The following BIK variants were observed in gnomAD, a reference collection of about 807,000 sequenced individuals.
The protein encoded by BIK is bcl-2-interacting killer.
A neutral mutation model predicts 12.1 loss-of-function variants in BIK; 14 were observed. The observed-to-expected ratio is 1.16, with a 90% CI of 0.77 to 1.81. BIK has a LOEUF of 1.81. Ranked by LOEUF, BIK falls within the 40% of genes most tolerant of loss-of-function variation. The pLI, the probability that BIK is intolerant of heterozygous loss-of-function variation, is 0.00. For missense variants in BIK, 215 were observed against 207.9 expected, an observed-to-expected ratio of 1.03 and a Z score of -0.21; for synonymous variants, 86 against 92.3, an observed-to-expected ratio of 0.93 and a Z score of 0.39.
intron 1 of BIK, among the ~76,000 whole-genome samples, chr22:43,121,195 C>A (rs961184476): frequency 2.0e-5 from 3 of 151,836 alleles, no homozygotes; most frequent in Non-Finnish European, 2.9e-5. Context: ...AACAAACAAA[C>A]AAAAAAACAC....
intron 1 of BIK, among the ~76,000 whole-genome samples, chr22:43,122,477 G>A (rs759457744): frequency 5.9e-5 from 9 of 152,164 alleles, no homozygotes; most frequent in Non-Finnish European, 1.3e-4. Flanking sequence ...TTGACACACT[G>A]CTGCTAACTG....
At position 43,127,678 on chromosome 22, in the gene BIK, C is replaced by G. The variant is rs766613577; in HGVS notation, c.162-19C>G. Reference sequence around the variant, plus strand: ...TCCACGGCACAGCCACACCCGACTCCTGTGTGTGCTCCCTGCAGTGACGCA... The same window carrying G: ...TCCACGGCACAGCCACACCCGACTCGTGTGTGTGCTCCCTGCAGTGACGCA... On this transcript the variant is annotated intron_variant, in intron 2 of 4. Transcript: ENST00000216115. The G allele has an allele frequency of 1.0e-5, 16 of 1,543,828 alleles. 1 individual carries two copies. In the South Asian group the frequency reaches 1.7e-4, roughly 16 times the overall value.
At chr22:43,122,804 C>T (rs1487625583) in intron 1 of BIK, among the ~76,000 whole-genome samples, 2 of 152,152 alleles carry the variant, frequency 1.3e-5, no homozygotes, top group African/African-American at 4.8e-5. Context: ...CCTGGCCGCT[C>T]TCTGCCTCCC....
chr22:43,116,192 A>G (rs762700746), intron 1 of BIK, among the ~76,000 whole-genome samples: 6 of 152,218 alleles, frequency 3.9e-5, no homozygotes, highest in Non-Finnish European at 8.8e-5. Flanking sequence ...AAATCAGTCA[A>G]GAGAATTATT....
At chr22:43,127,474 C>T (rs988369222) in intron 2 of BIK, among the ~76,000 whole-genome samples, 4 of 152,214 alleles carry the variant, frequency 2.6e-5, no homozygotes, top group Non-Finnish European at 5.9e-5. Flanking sequence ...TAGCTTGCAC[C>T]TCTGGGGCCA....
chr22:43,118,849 C>T (rs1485878258), intron 1 of BIK, among the ~76,000 whole-genome samples: 1 of 152,084 alleles, frequency 6.6e-6, no homozygotes, highest in Non-Finnish European at 1.5e-5. Context: ...TGCCCCCAAC[C>T]CCGCTCTGAC....
At chr22:43,111,605 C>G (rs1930013728) in intron 1 of BIK, among the ~76,000 whole-genome samples, 1 of 152,234 alleles carries the variant, frequency 6.6e-6, no homozygotes, top group South Asian at 2.1e-4. Flanking sequence ...AATGCGATCG[C>G]TTTCAAGCCC....
intron 1 of BIK, among the ~76,000 whole-genome samples, chr22:43,122,869 G>C (rs1488275501): frequency 1.3e-5 from 2 of 152,112 alleles, no homozygotes; most frequent in African/African-American, 4.8e-5. Context: ...GAGCTGCCCT[G>C]GCTGTGTCTA....
At chr22:43,120,744 A>C (rs1601730532) in intron 1 of BIK, among the ~76,000 whole-genome samples, 1 of 152,282 alleles carries the variant, frequency 6.6e-6, no homozygotes, top group Non-Finnish European at 1.5e-5. Flanking sequence ...CACTTTTCCC[A>C]TGCAGATCTG....
intron 1 of BIK, among the ~76,000 whole-genome samples, chr22:43,115,754 C>T (rs1398769485): frequency 2.0e-5 from 3 of 152,016 alleles, no homozygotes; most frequent in African/African-American, 7.2e-5. Flanking sequence ...TGAGCCACCG[C>T]GTCTGGCCTA....
intron 1 of BIK, among the ~76,000 whole-genome samples, chr22:43,120,754 G>C (rs1930204488): frequency 6.6e-6 from 1 of 152,204 alleles, no homozygotes; most frequent in African/African-American, 2.4e-5. Flanking sequence ...ATGCAGATCT[G>C]GGCCCTAAGG....
chr22:43,120,843 T>C (rs1272947911), intron 1 of BIK, among the ~76,000 whole-genome samples: 1 of 152,208 alleles, frequency 6.6e-6, no homozygotes, highest in African/African-American at 2.4e-5. Flanking sequence ...AGAGGCCAGA[T>C]GGTTAAAGGT....
At chr22:43,120,597 A>G (rs1308719727) in intron 1 of BIK, among the ~76,000 whole-genome samples, 2 of 152,236 alleles carry the variant, frequency 1.3e-5, no homozygotes, top group Non-Finnish European at 2.9e-5. Context: ...TAAGGCATTC[A>G]GAGCTGGTGC....
At chr22:43,118,482 AG>A (rs1400677251) in intron 1 of BIK, among the ~76,000 whole-genome samples, 3 of 152,306 alleles carry the variant, frequency 2.0e-5, no homozygotes, top group Non-Finnish European at 4.4e-5. Context: ...GGGGCCGAGC[AG>A]GGGGTGGAAC....
intron 1 of BIK, among the ~76,000 whole-genome samples, chr22:43,119,463 C>T (rs1216361795): frequency 1.3e-5 from 2 of 152,178 alleles, no homozygotes; most frequent in Non-Finnish European, 2.9e-5. Flanking sequence ...AGAGCAGCAG[C>T]CCCTCTCTTA....
At chr22:43,127,535 G>A (rs1019631661) in intron 2 of BIK, among the ~76,000 whole-genome samples, 162 bp from the exon 3 acceptor site, 1 of 152,200 alleles carries the variant, frequency 6.6e-6, no homozygotes, top group Admixed American at 6.5e-5. Context: ...GGAGCCGGAG[G>A]AGGGATACAG....
At chr22:43,120,780 T>G (rs1219854650) in intron 1 of BIK, among the ~76,000 whole-genome samples, 1 of 152,174 alleles carries the variant, frequency 6.6e-6, no homozygotes, top group Non-Finnish European at 1.5e-5. Context: ...CTAGGCCCAG[T>G]TGGTGATGGG....
chr22:43,120,250 C>T (rs200871036), intron 1 of BIK, among the ~76,000 whole-genome samples: 13 of 152,302 alleles, frequency 8.5e-5, no homozygotes, highest in South Asian at 6.2e-4. Flanking sequence ...TGCAATGGCG[C>T]GGTCTCGGCT....
intron 1 of BIK, among the ~76,000 whole-genome samples, chr22:43,111,052 T>C (rs961108088): frequency 1.3e-5 from 2 of 151,822 alleles, no homozygotes; most frequent in Non-Finnish European, 2.9e-5. Flanking sequence ...GGCCTCAGTC[T>C]CCGCGCCTGT....
Sources: gnomAD v4.1 joint callset for allele counts (sites outside exome capture counted in the v4.1 genomes callset) on GRCh38, gnomAD v4.1.1 for gene constraint, MANE v1.5 for transcripts, NCBI Gene and HGNC (gene_info 2026-07-23, HGNC 2026-07-21) for gene names.